Variants in DCC observed in about 807,000 individuals in gnomAD.
DCC encodes netrin receptor DCC.
Under a neutral mutation model 172.5 loss-of-function variants are expected in DCC, and 58 were observed. The observed-to-expected ratio is 0.34, with a 90% CI of 0.27 to 0.42. The LOEUF (loss-of-function observed/expected upper bound fraction) is 0.42, where lower values mean the gene tolerates loss of function less well. DCC is among the 10% of genes least tolerant of loss of function. The pLI is 1.00. For synonymous variants in DCC, 709 were observed against 644.5 expected (o/e 1.10, Z -1.52); for missense variants, 1,740 against 1,791.0 (o/e 0.97, Z 0.51).
chr18:52,385,265 T>C (rs1985748065), intron 1 of DCC, among the ~76,000 whole-genome samples: 1 of 152,084 alleles, frequency 6.6e-6, no homozygotes, highest in African/African-American at 2.4e-5. Context: ...AAATTACACA[T>C]TTTTATTTTT....
At chr18:53,426,391 ATATT>A (rs1380385502) in intron 21 of DCC, among the ~76,000 whole-genome samples, 1 of 140,686 alleles carries the variant, frequency 7.1e-6, no homozygotes, top group East Asian at 2.0e-4. Flanking sequence ...TATATCATAT[ATATT>A]TATGATATAT....
intron 16 of DCC, among the ~76,000 whole-genome samples, chr18:53,386,540 AC>A (rs534489913): frequency 2.6e-3 from 392 of 152,202 alleles, no homozygotes; most frequent in African/African-American, 9.1e-3. Flanking sequence ...CTAAATAGAC[AC>A]TTGCTTCTCC....
At chr18:53,035,731 C>G (rs143722107) in intron 5 of DCC, among the ~76,000 whole-genome samples, 6 of 151,930 alleles carry the variant, frequency 3.9e-5, no homozygotes, top group African/African-American at 1.5e-4. Flanking sequence ...TAGTTGGCAG[C>G]CTTTATAGAC....
chr18:53,157,394 G>T lies in DCC; in HGVS notation c.1300G>T (p.Asp434Tyr), dbSNP rs866199260. The T allele has an allele frequency of 1.9e-6, 3 of 1,614,000 alleles. No homozygotes were observed. Among genetic ancestry groups the T allele is most frequent in the Admixed American group, 1.7e-5 (1 of 59,998 alleles). Reference sequence around the variant, plus strand: ...CAGTGTCCTCCCTTCGGCTCCCAGAGATGTGGTCCCTGTCTTGGTTTCCAG... The same window carrying T: ...CAGTGTCCTCCCTTCGGCTCCCAGATATGTGGTCCCTGTCTTGGTTTCCAG... ...SSSVLPSAPR[D>Y]VVPVLVSSRF... Residue 434 changes from aspartate to tyrosine, a missense_variant, in exon 8 of 29, where the codon GAT (aspartate) becomes TAT (tyrosine). This residue lies in a region of DCC where 1,732 missense variants were observed against 1,767.4 expected (regional missense o/e 0.98). Transcript: ENST00000442544.
chr18:53,267,127 CACACACATAT>C (rs2056685628), intron 12 of DCC, among the ~76,000 whole-genome samples: 10 of 149,264 alleles, frequency 6.7e-5, no homozygotes, highest in African/African-American at 2.0e-4. Context: ...CACACACACA[CACACACATAT>C]ATATATATAT....
chr18:53,113,256 C>T (rs1237383782), intron 7 of DCC, among the ~76,000 whole-genome samples: 2 of 151,322 alleles, frequency 1.3e-5, no homozygotes, highest in East Asian at 2.0e-4. Context: ...ATCTTTTATT[C>T]AGAGGCTGCT....
intron 1 of DCC, among the ~76,000 whole-genome samples, chr18:52,534,011 GC>G (rs1277056466): frequency 1.3e-5 from 2 of 152,020 alleles, no homozygotes; most frequent in East Asian, 3.9e-4. Flanking sequence ...TCAAGGTTCA[GC>G]TATGTTGTGG....
chr18:52,915,993 A>G (rs536748230), intron 3 of DCC, among the ~76,000 whole-genome samples: 1 of 150,594 alleles, frequency 6.6e-6, no homozygotes, highest in Non-Finnish European at 1.5e-5. Context: ...TAATAATAAT[A>G]TATATCTTTT....
chr18:52,810,517 G>A lies in DCC; in HGVS notation c.412+58143G>A, dbSNP rs112362278. On this transcript the variant is annotated intron_variant, in intron 2 of 28. Coordinates refer to ENST00000442544, the MANE Select transcript of DCC (RefSeq NM_005215.4). ...AGGGCAAAGAAGAATTTTAGTGCAT[G>A]ATGAGACAGCTTTCAGTGGAGAGGG... 7.0e-3 allele frequency among the ~76,000 whole-genome samples: 1,071 copies of A among 152,302 alleles called. 7 individuals are homozygous for A. Among genetic ancestry groups the A allele is most frequent in the African/African-American group, 0.024 (1,002 of 41,572 alleles).
intron 25 of DCC, among the ~76,000 whole-genome samples, chr18:53,475,738 C>T (rs2145198392): frequency 6.6e-6 from 1 of 152,204 alleles, no homozygotes; most frequent in South Asian, 2.1e-4. Context: ...GGTCAGAGCC[C>T]CCACACAGAG....
chr18:53,527,930 CT>C (rs1482619110), intron 28 of DCC, among the ~76,000 whole-genome samples: 1 of 152,024 alleles, frequency 6.6e-6, no homozygotes, highest in East Asian at 1.9e-4. Flanking sequence ...ACATTTGGAT[CT>C]TTTTTAAGCA....
At chr18:52,669,163 G>T (rs926550041) in intron 1 of DCC, among the ~76,000 whole-genome samples, 2 of 152,152 alleles carry the variant, frequency 1.3e-5, no homozygotes, top group African/African-American at 4.8e-5. Context: ...CTGTCCTCTT[G>T]TGCTGAGTCT....
At chr18:53,436,215 T>C (rs577648298) in intron 22 of DCC, among the ~76,000 whole-genome samples, 1 of 152,344 alleles carries the variant, frequency 6.6e-6, no homozygotes, top group Non-Finnish European at 1.5e-5. Context: ...ATAGAAATGA[T>C]ATTGTATCCT....
At chr18:52,586,430 A>C (rs960049137) in intron 1 of DCC, among the ~76,000 whole-genome samples, 1 of 152,140 alleles carries the variant, frequency 6.6e-6, no homozygotes, top group Non-Finnish European at 1.5e-5. Flanking sequence ...AGTCCAGGGC[A>C]ATCACCCCAC....
intron 1 of DCC, among the ~76,000 whole-genome samples, chr18:52,484,444 C>A (rs1274315160): frequency 6.6e-6 from 1 of 152,074 alleles, no homozygotes; most frequent in East Asian, 1.9e-4. Context: ...TTATTATTTT[C>A]CCATTCAGCA....
intron 2 of DCC, among the ~76,000 whole-genome samples, chr18:52,770,047 A>C (rs1264173109): frequency 1.3e-5 from 2 of 152,170 alleles, no homozygotes; most frequent in Non-Finnish European, 2.9e-5. Flanking sequence ...TTGTCTTTTA[A>C]AGCATTTGAA....
At chr18:53,127,718 T>C (rs2043586231) in intron 7 of DCC, among the ~76,000 whole-genome samples, 1 of 152,164 alleles carries the variant, frequency 6.6e-6, no homozygotes, top group Non-Finnish European at 1.5e-5. Flanking sequence ...AAAATGACTT[T>C]TAATGTTTCT....
At chr18:53,429,613 G>A (rs1285825469) in intron 21 of DCC, among the ~76,000 whole-genome samples, 1 of 152,146 alleles carries the variant, frequency 6.6e-6, no homozygotes, top group East Asian at 1.9e-4. Flanking sequence ...AGAAATATGG[G>A]TAATGGCATA....
At chr18:53,489,821 G>A (rs1368697491) in intron 26 of DCC, among the ~76,000 whole-genome samples, 1 of 152,182 alleles carries the variant, frequency 6.6e-6, no homozygotes, top group Non-Finnish European at 1.5e-5. Context: ...TTATATAGTT[G>A]TGATGGACAA....
Sources: allele counts gnomAD v4.1 joint callset (sites outside exome capture counted in the v4.1 genomes callset), GRCh38; gene constraint gnomAD v4.1.1; regional missense constraint gnomAD v4.1.1; transcripts MANE v1.5; gene names NCBI Gene and HGNC (gene_info 2026-07-23, HGNC 2026-07-21).